Variants in KDM5B observed in about 807,000 individuals in gnomAD.
KDM5B encodes the protein lysine demethylase 5B.
In KDM5B, 144 loss-of-function variants were observed where a neutral mutation model predicts 193.4. That is an observed-to-expected ratio of 0.74 (90% CI 0.65 to 0.86). KDM5B has a LOEUF of 0.86. Among genes scored for constraint, KDM5B ranks in the 40% least tolerant of loss-of-function variants. KDM5B has a pLI of 0.00. For missense variants in KDM5B, 1,833 were observed against 1,886.9 expected (o/e 0.97, Z 0.53); for synonymous variants, 668 against 682.6 (o/e 0.98, Z 0.33).
intron 4 of KDM5B, among the ~76,000 whole-genome samples, chr1:202,769,591 C>T (rs1656624692): frequency 7.1e-6 from 1 of 141,704 alleles, no homozygotes; most frequent in South Asian, 2.2e-4. Context: ...ATCGCTTGAA[C>T]CAGGGTGGCG....
intron 10 of KDM5B, among the ~76,000 whole-genome samples, chr1:202,755,890 G>C (rs528235733): frequency 6.6e-6 from 1 of 151,664 alleles, no homozygotes; most frequent in East Asian, 1.9e-4. Flanking sequence ...GGTTACATGG[G>C]TGTGTTCAGC....
At chr1:202,753,200 T>C in intron 11 of KDM5B, 133 bp from the exon 12 acceptor site, 1 of 757,104 alleles carries the variant, frequency 1.3e-6, no homozygotes, top group Non-Finnish European at 2.1e-6. Flanking sequence ...GAAATATCAT[T>C]AGAAATGTGA....
intron 20 of KDM5B, among the ~76,000 whole-genome samples, chr1:202,738,738 T>C (rs1655190111): frequency 1.3e-5 from 2 of 152,166 alleles, no homozygotes; most frequent in African/African-American, 4.8e-5. Context: ...TTTATGATGA[T>C]AAGAGATAAG....
rs1454131826 is a variant in KDM5B, at chr1:202,749,118, C to A, written c.1843G>T (p.Val615Leu). 1.2e-6 allele frequency: 2 copies of A among 1,610,868 alleles called. No individual in the cohort carries two copies. Among genetic ancestry groups the A allele is most frequent in the Admixed American group, 1.7e-5 (1 of 59,062 alleles). Residue 615 changes from valine to leucine, a missense_variant, in exon 14 of 27, where the codon GTG becomes TTG. By Grantham distance (32) the Val-to-Leu change is conservative. This residue lies in a region of KDM5B where 1,379 missense variants were observed against 1,349.6 expected (regional missense o/e 1.02). Transcript: ENST00000367265. Reference sequence around the variant, plus strand: ...CGATGAAGCAAGCGATAATGCTCCACACACTGTCGGCCTAATGGCAGCTGT... The same window carrying A: ...CGATGAAGCAAGCGATAATGCTCCAAACACTGTCGGCCTAATGGCAGCTGT... ...VDWLPLGRQCVEHYRLLHRYC... is the reference protein window; with the variant it reads ...VDWLPLGRQCLEHYRLLHRYC...
At chr1:202,794,628 AC>A (rs2102336093) in intron 1 of KDM5B, among the ~76,000 whole-genome samples, 1 of 152,344 alleles carries the variant, frequency 6.6e-6, no homozygotes, top group South Asian at 2.1e-4. Context: ...TGGTACATAT[AC>A]CATTGGGGAG....
At chr1:202,795,163 G>A (rs1369919824) in intron 1 of KDM5B, among the ~76,000 whole-genome samples, 2 of 151,972 alleles carry the variant, frequency 1.3e-5, no homozygotes, top group African/African-American at 4.8e-5. Flanking sequence ...GCAGTGAGCC[G>A]AGACACACTA....
intron 1 of KDM5B, among the ~76,000 whole-genome samples, chr1:202,804,720 G>A (rs1658212333): frequency 6.6e-6 from 1 of 152,024 alleles, no homozygotes; most frequent in African/African-American, 2.4e-5. Context: ...AGAAATCTGT[G>A]GAATCTAGGC....
At chr1:202,801,177 G>T (rs1658057900) in intron 1 of KDM5B, among the ~76,000 whole-genome samples, 1 of 151,900 alleles carries the variant, frequency 6.6e-6, no homozygotes. Context: ...CACATTTTTT[G>T]TAATAAAATT....
At chr1:202,787,309 C>G (rs1657452326) in intron 1 of KDM5B, among the ~76,000 whole-genome samples, 1 of 152,154 alleles carries the variant, frequency 6.6e-6, no homozygotes. Context: ...CCCATCCGAC[C>G]AAGTTTCCCT....
At chr1:202,794,407 G>A (rs1025484237) in intron 1 of KDM5B, among the ~76,000 whole-genome samples, 1 of 152,204 alleles carries the variant, frequency 6.6e-6, no homozygotes, top group Admixed American at 6.5e-5. Flanking sequence ...TGTGCTTAAT[G>A]AAAAGTTCCA....
At chr1:202,784,565 A>G (rs990557597) in intron 1 of KDM5B, among the ~76,000 whole-genome samples, 2 of 152,234 alleles carry the variant, frequency 1.3e-5, no homozygotes, top group African/African-American at 4.8e-5. Context: ...CAGGTCAGTA[A>G]TATGCCCTTA....
At position 202,808,379 on chromosome 1, in the gene KDM5B, C is replaced by A. The variant is rs1309973665; in HGVS notation, c.-74G>T. 3 of 1,359,662 alleles carry A rather than the reference C, an allele frequency of 2.2e-6. No individual in the cohort carries two copies. The Admixed American group carries it at 7.7e-5, about 35-fold the overall frequency. 84.2% of individuals were successfully genotyped at this position (1,359,662 alleles called of 1,614,324 possible). On this transcript the variant is annotated 5_prime_UTR_variant, in exon 1 of 27. Coordinates refer to ENST00000367265, the MANE Select transcript of KDM5B (RefSeq NM_006618.5). ...GCTGCGAGCTCCGCTCGGTCCGAGA[C>A]CCGTGCAGACGCGGCTCGAGCAACA...
chr1:202,771,934 T>C (rs904078717), intron 4 of KDM5B, among the ~76,000 whole-genome samples: 1 of 151,978 alleles, frequency 6.6e-6, no homozygotes, highest in African/African-American at 2.4e-5. Context: ...ATTCATATAA[T>C]GTATTAAAAA....
chr1:202,741,622 C>T lies in KDM5B; in HGVS notation c.2690G>A (p.Ser897Asn). The change falls in exon 19 of 27, where the codon AGC becomes AAC. Residue 897 changes from serine to asparagine, a missense_variant. By Grantham distance (46) the Ser-to-Asn change is conservative. Coordinates refer to ENST00000367265, the MANE Select transcript of KDM5B (RefSeq NM_006618.5). ...TGGAAGTTCAACATCAAATTCAAAG[C>T]TGACATCTAGCAAGTCCTGCAGCTC... is the stretch of plus-strand genomic sequence containing the variant. ...AAELQDLLDVSFEFDVELPQL... is the reference protein window; with the variant it reads ...AAELQDLLDVNFEFDVELPQL... The T allele has an allele frequency of 1.2e-6, 2 of 1,614,210 alleles. No homozygotes were observed. Among genetic ancestry groups the T allele is most frequent in the Non-Finnish European group, 8.5e-7 (1 of 1,180,020 alleles).
intron 7 of KDM5B, among the ~76,000 whole-genome samples, chr1:202,762,158 C>T (rs1403979101): frequency 6.6e-6 from 1 of 152,162 alleles, no homozygotes; most frequent in Non-Finnish European, 1.5e-5. Context: ...CTAACTCTGC[C>T]ATGTCCTCTT....
In KDM5B at chr1:202,727,077, G is replaced by A. The variant is rs1259826906; in HGVS notation, c.*1959C>T. The A allele has an allele frequency of 6.6e-6, 1 of 152,226 alleles. No homozygotes were observed. The highest frequency in any genetic ancestry group is 1.5e-5 in the Non-Finnish European group (1 of 68,084). 9.4% of individuals were successfully genotyped at this position (152,226 alleles called of 1,614,324 possible). A position where few individuals can be genotyped will look rare whatever the true frequency, so the allele number is the denominator to read the frequency against. ...CAGGGACTGTGTACCACCACCCACA[G>A]GTGAAGAAGAAAAACTAGTGGGGAT... On this transcript the variant is annotated 3_prime_UTR_variant, in exon 27 of 27. Transcript: ENST00000367265.
At chr1:202,729,600 G>C in intron 26 of KDM5B, 107 bp downstream of exon 26, 1 of 928,362 alleles carries the variant, frequency 1.1e-6, no homozygotes, top group Non-Finnish European at 1.6e-6. Context: ...ATTCAGATCA[G>C]CTCAAAGCAG....
intron 2 of KDM5B, 126 bp from the exon 3 acceptor site, chr1:202,774,861 A>G: frequency 1.3e-6 from 1 of 797,558 alleles, no homozygotes; most frequent in South Asian, 1.8e-5. Flanking sequence ...TTTTAATTTA[A>G]TGCTCTTTCA....
At chr1:202,770,818 G>A (rs895853476) in intron 4 of KDM5B, among the ~76,000 whole-genome samples, 3 of 152,146 alleles carry the variant, frequency 2.0e-5, no homozygotes, top group Non-Finnish European at 4.4e-5. Flanking sequence ...ACTTTCCTAT[G>A]TTTTTAAACT....
Sources: allele counts gnomAD v4.1 joint callset (sites outside exome capture counted in the v4.1 genomes callset), GRCh38; gene constraint gnomAD v4.1.1; regional missense constraint gnomAD v4.1.1; transcripts MANE v1.5; gene names NCBI Gene and HGNC (gene_info 2026-07-23, HGNC 2026-07-21).